UBE2E1: variants seen among roughly 807,000 people sequenced by gnomAD.
UBE2E1 encodes the protein ubiquitin conjugating enzyme E2 E1.
UBE2E1 carries 6 observed loss-of-function variants against 21.4 expected under a neutral mutation model. That is an observed-to-expected ratio of 0.28 (90% CI 0.15 to 0.55). The LOEUF (loss-of-function observed/expected upper bound fraction) is 0.55, where lower values mean the gene tolerates loss of function less well. Among genes scored for constraint, UBE2E1 ranks in the 20% least tolerant of loss-of-function variants. The pLI, the probability that UBE2E1 is intolerant of heterozygous loss-of-function variation, is 0.93. For synonymous variants in UBE2E1, 87 were observed against 82.7 expected (o/e 1.05, Z -0.28); for missense variants, 142 against 236.5 (o/e 0.60, Z 2.62).
At position 23,889,276 on chromosome 3, in the gene UBE2E1, T is replaced by G. The variant is rs1383170516; in HGVS notation, c.484+17T>G. On this transcript the variant is annotated intron_variant, in intron 5 of 5. Coordinates refer to ENST00000306627, the MANE Select transcript of UBE2E1 (RefSeq NM_003341.5). ...GTAATCCTGGTAAGGTTCATAATTC[T>G]TTACCTTGTTTTATTCTTCCTTACC... 1 of 1,613,334 alleles carries G rather than the reference T, an allele frequency of 6.2e-7. No individual in the cohort carries two copies. The highest frequency in any genetic ancestry group is 1.3e-5 in the African/African-American group (1 of 74,938).
At chr3:23,889,426 GAC>G (rs1327984309) in intron 5 of UBE2E1, 167 bp downstream of exon 5, 21 of 1,465,422 alleles carry the variant, frequency 1.4e-5, no homozygotes, top group Non-Finnish European at 1.6e-5. Context: ...TACTAGTTGA[GAC>G]ACACAACTTC....
At chr3:23,862,771 G>T (rs1700582538) in intron 3 of UBE2E1, among the ~76,000 whole-genome samples, 1 of 152,024 alleles carries the variant, frequency 6.6e-6, no homozygotes, top group African/African-American at 2.4e-5. Context: ...TGTCACCCAG[G>T]TTGGCATGTA....
At chr3:23,828,082 T>A (rs1021338072) in intron 3 of UBE2E1, among the ~76,000 whole-genome samples, 1 of 152,214 alleles carries the variant, frequency 6.6e-6, no homozygotes, top group Non-Finnish European at 1.5e-5. Flanking sequence ...ATTTATCACA[T>A]TGAGTTACGG....
intron 3 of UBE2E1, among the ~76,000 whole-genome samples, chr3:23,847,128 C>CAA (rs1700225074): frequency 6.6e-6 from 1 of 152,096 alleles, no homozygotes; most frequent in African/African-American, 2.4e-5. Flanking sequence ...CCCTTTGGTT[C>CAA]ATCAGTAGGG....
At chr3:23,825,525 G>A (rs1308362056) in intron 3 of UBE2E1, among the ~76,000 whole-genome samples, 1 of 152,162 alleles carries the variant, frequency 6.6e-6, no homozygotes, top group African/African-American at 2.4e-5. Context: ...AGAAACAAAT[G>A]TACAAAAGTA....
At chr3:23,855,148 G>A (rs1025451344) in intron 3 of UBE2E1, among the ~76,000 whole-genome samples, 1 of 152,150 alleles carries the variant, frequency 6.6e-6, no homozygotes, top group Admixed American at 6.5e-5. Flanking sequence ...TTTATTAAAA[G>A]CAGTCTTTGG....
rs12635311 is a variant in UBE2E1, at chr3:23,816,534, G to A, written c.203+5024G>A. ...ATCGTGGCGAACACAGTGAAACCCC[G>A]TCTCTACTAAAAATACAAAAAAATT... On this transcript the variant is annotated intron_variant, in intron 3 of 5. Coordinates refer to ENST00000306627, the MANE Select transcript of UBE2E1 (RefSeq NM_003341.5). The surrounding 1 kb of genome is among the most constrained non-coding windows in gnomAD (Gnocchi z 4.8). 0.048 allele frequency among the ~76,000 whole-genome samples: 7,265 copies of A among 152,062 alleles called. 219 individuals are homozygous for A. Among genetic ancestry groups the A allele is most frequent in the East Asian group, 0.11 (549 of 5,162 alleles).
chr3:23,822,380 G>A (rs1699662671), intron 3 of UBE2E1, among the ~76,000 whole-genome samples: 1 of 152,126 alleles, frequency 6.6e-6, no homozygotes, highest in South Asian at 2.1e-4. Context: ...ACACTTTAGG[G>A]CAGAATTTCT....
chr3:23,867,370 T>C (rs1415120780), intron 3 of UBE2E1, among the ~76,000 whole-genome samples: 6 of 152,230 alleles, frequency 3.9e-5, no homozygotes, highest in Non-Finnish European at 7.3e-5. Context: ...CTGTATGTAA[T>C]AAATTCTGGA....
chr3:23,846,454 T>C (rs1700205620), intron 3 of UBE2E1, among the ~76,000 whole-genome samples: 1 of 152,098 alleles, frequency 6.6e-6, no homozygotes, highest in South Asian at 2.1e-4. Flanking sequence ...CCCAGCACTT[T>C]GGGAGGCCGA....
intron 3 of UBE2E1, among the ~76,000 whole-genome samples, chr3:23,843,349 A>C (rs1241878869): frequency 6.6e-6 from 1 of 152,186 alleles, no homozygotes; most frequent in Non-Finnish European, 1.5e-5. Flanking sequence ...AACTGTGCAC[A>C]ATGTTTTATG....
At chr3:23,824,591 C>T (rs1016155734) in intron 3 of UBE2E1, among the ~76,000 whole-genome samples, 1 of 152,178 alleles carries the variant, frequency 6.6e-6, no homozygotes, top group Non-Finnish European at 1.5e-5. Context: ...CTCTGATACT[C>T]TTCAAGCCCC....
In UBE2E1 at chr3:23,836,090, A is replaced by C. The variant is rs567729059; in HGVS notation, c.203+24580A>C. On this transcript the variant is annotated intron_variant, in intron 3 of 5. Coordinates refer to ENST00000306627, the MANE Select transcript of UBE2E1 (RefSeq NM_003341.5). The surrounding 1 kb of genome is among the most constrained non-coding windows in gnomAD (Gnocchi z 4.1). ...ATGTTAAGATTACGATTTTTCTGTTAAATAGGACATTTGGAACAAGAACTG... is the reference window on the plus strand; with the variant it reads ...ATGTTAAGATTACGATTTTTCTGTTCAATAGGACATTTGGAACAAGAACTG... Among the ~76,000 whole-genome samples the C allele has an allele frequency of 5.9e-5, 9 of 152,332 alleles. 1 individual carries two copies. In the South Asian group the frequency reaches 1.9e-3, roughly 32 times the overall value.
In UBE2E1 at chr3:23,823,525, T is replaced by G. The variant is rs1233764612; in HGVS notation, c.203+12015T>G. ...ACCACTTACAACCTTTCCTCCTCTA[T>G]GGGGGTACATCTCAATTTTTAAGTT... is the stretch of plus-strand genomic sequence containing the variant. On this transcript the variant is annotated intron_variant, in intron 3 of 5. Transcript: ENST00000306627. The surrounding 1 kb of genome is among the most constrained non-coding windows in gnomAD (Gnocchi z 4.2). 6.6e-6 allele frequency among the ~76,000 whole-genome samples: 1 copy of G among 152,230 alleles called. No individual in the cohort carries two copies. The highest frequency in any genetic ancestry group is 1.9e-4 in the East Asian group (1 of 5,208).
At chr3:23,848,476 AAAAAAAC>A (rs1465294490) in intron 3 of UBE2E1, among the ~76,000 whole-genome samples, 3 of 152,072 alleles carry the variant, frequency 2.0e-5, no homozygotes, top group African/African-American at 4.8e-5. Flanking sequence ...TCTCAAAAAA[AAAAAAAC>A]AAAAAACAAA....
intron 3 of UBE2E1, among the ~76,000 whole-genome samples, chr3:23,882,350 T>C (rs939997550): frequency 6.6e-6 from 1 of 152,258 alleles, no homozygotes; most frequent in African/African-American, 2.4e-5. Flanking sequence ...AGAGCACTGA[T>C]TGGTGCATTT....
intron 2 of UBE2E1, among the ~76,000 whole-genome samples, chr3:23,809,219 T>C (rs917415827): frequency 2.0e-5 from 3 of 152,212 alleles, no homozygotes; most frequent in Non-Finnish European, 4.4e-5. Flanking sequence ...AAAGAGTAGC[T>C]ATTAGTGTTA....
chr3:23,814,087 G>C (rs969404702), intron 3 of UBE2E1, among the ~76,000 whole-genome samples: 1 of 151,960 alleles, frequency 6.6e-6, no homozygotes, highest in African/African-American at 2.4e-5. Context: ...TAACTTCTCA[G>C]TAAATACAAA....
chr3:23,829,159 G>A (rs1294833497), intron 3 of UBE2E1, among the ~76,000 whole-genome samples: 1 of 86,774 alleles, frequency 1.2e-5, no homozygotes, highest in Non-Finnish European at 2.2e-5. Flanking sequence ...TTTGAGACAG[G>A]GCCTCAAAAA....
Sources: allele counts gnomAD v4.1 joint callset (sites outside exome capture counted in the v4.1 genomes callset), GRCh38; gene constraint gnomAD v4.1.1; non-coding constraint Gnocchi (gnomAD v3.1); transcripts MANE v1.5; gene names NCBI Gene and HGNC (gene_info 2026-07-23, HGNC 2026-07-21).